Variants in IPMK observed in about 807,000 individuals in gnomAD.
The protein encoded by IPMK is inositol polyphosphate multikinase, also known as inositol 1,3,4,6-tetrakisphosphate 5-kinase.
Under a neutral mutation model 45.8 loss-of-function variants are expected in IPMK, and 17 were observed. That is an observed-to-expected ratio of 0.37 (90% confidence interval 0.25 to 0.56). IPMK has a LOEUF of 0.56. Among genes scored for constraint, IPMK ranks in the 20% least tolerant of loss-of-function variants. IPMK has a pLI of 0.79. For missense variants in IPMK, 399 were observed against 498.0 expected, an observed-to-expected ratio of 0.80 and a Z score of 1.89; for synonymous variants, 180 against 184.3, an observed-to-expected ratio of 0.98 and a Z score of 0.19.
At chr10:58,237,158 G>T in intron 2 of IPMK, among the ~76,000 whole-genome samples, 1 of 152,178 alleles carries the variant, frequency 6.6e-6, no homozygotes, top group Non-Finnish European at 1.5e-5. Context: ...AGGCTGACTT[G>T]AATCAACTGC....
At chr10:58,258,997 G>A (rs1839015688) in intron 1 of IPMK, among the ~76,000 whole-genome samples, 1 of 152,164 alleles carries the variant, frequency 6.6e-6, no homozygotes, top group Non-Finnish European at 1.5e-5. Flanking sequence ...TTCTCACTGA[G>A]GAAGAAGGGA....
intron 4 of IPMK, among the ~76,000 whole-genome samples, chr10:58,206,586 A>G (rs1236667492): frequency 2.6e-5 from 4 of 152,204 alleles, no homozygotes; most frequent in African/African-American, 7.2e-5. Context: ...TATCCTGTCC[A>G]TGTACCCTAA....
chr10:58,207,949 T>C (rs567942329), intron 4 of IPMK, among the ~76,000 whole-genome samples: 1 of 152,234 alleles, frequency 6.6e-6, no homozygotes, highest in East Asian at 1.9e-4. Flanking sequence ...TGTTCATTTT[T>C]CTTTTTTTTT....
rs1365647764 is a variant in IPMK at position 58,195,481 on chromosome 10, T to A, written c.*595A>T. On this transcript the variant is annotated 3_prime_UTR_variant, in exon 6 of 6. Coordinates refer to ENST00000373935, the MANE Select transcript of IPMK (RefSeq NM_152230.5). ...AGTATAATATTTTGAGAGAGAGATG[T>A]AAAAATTAAAGAGAAAACCTGCTTT... The A allele has an allele frequency of 1.3e-5, 2 of 152,130 alleles. No homozygotes were observed. The highest frequency in any genetic ancestry group is 2.9e-5 in the Non-Finnish European group (2 of 67,974). The allele number at this position is 152,130 out of a possible 1,614,324, so 9.4% of individuals were successfully genotyped here.
chr10:58,239,178 G>T (rs1041252485), intron 1 of IPMK, among the ~76,000 whole-genome samples: 6 of 152,082 alleles, frequency 3.9e-5, no homozygotes, highest in African/African-American at 1.4e-4. Context: ...TTTTAAAAAG[G>T]CCTAGATATA....
intron 1 of IPMK, among the ~76,000 whole-genome samples, chr10:58,258,832 A>C (rs1447747176): frequency 1.3e-5 from 2 of 152,196 alleles, no homozygotes; most frequent in Admixed American, 6.5e-5. Context: ...AAATAAATAG[A>C]AAGATAGGAA....
chr10:58,202,442 A>G (rs1374025051), intron 4 of IPMK, among the ~76,000 whole-genome samples: 1 of 152,180 alleles, frequency 6.6e-6, no homozygotes, highest in Admixed American at 6.5e-5. Flanking sequence ...AGGCCAGAGG[A>G]CAACTTGAGG....
chr10:58,252,285 G>C (rs986306039), intron 1 of IPMK, among the ~76,000 whole-genome samples: 1 of 151,990 alleles, frequency 6.6e-6, no homozygotes, highest in Non-Finnish European at 1.5e-5. Context: ...TATCACCCCC[G>C]GTACTTTGAC....
intron 1 of IPMK, among the ~76,000 whole-genome samples, chr10:58,244,796 T>C (rs750519800): frequency 5.9e-5 from 9 of 152,086 alleles, no homozygotes; most frequent in Non-Finnish European, 1.3e-4. Flanking sequence ...GTTAAATGGA[T>C]TAAGGGCGGT....
intron 1 of IPMK, among the ~76,000 whole-genome samples, chr10:58,266,372 A>G (rs1839147315): frequency 6.6e-6 from 1 of 152,240 alleles, no homozygotes; most frequent in Admixed American, 6.5e-5. Context: ...GAGTTGTTTC[A>G]GCAAACACAA....
At chr10:58,235,553 A>G (rs570842850) in intron 2 of IPMK, among the ~76,000 whole-genome samples, 2 of 152,318 alleles carry the variant, frequency 1.3e-5, no homozygotes, top group African/African-American at 4.8e-5. Context: ...ATTCTCAGCA[A>G]ACTATCACAA....
intron 4 of IPMK, among the ~76,000 whole-genome samples, chr10:58,213,295 T>C (rs966301859): frequency 6.6e-6 from 1 of 152,122 alleles, no homozygotes; most frequent in African/African-American, 2.4e-5. Flanking sequence ...GAGTTATGTG[T>C]GTAACTAAAA....
intron 1 of IPMK, among the ~76,000 whole-genome samples, chr10:58,259,890 C>G (rs981015629): frequency 6.6e-6 from 1 of 151,994 alleles, no homozygotes; most frequent in African/African-American, 2.4e-5. Flanking sequence ...TAGAATATTA[C>G]TATTTTGCAA....
intron 4 of IPMK, among the ~76,000 whole-genome samples, chr10:58,208,054 C>T (rs1417198040): frequency 6.6e-6 from 1 of 152,158 alleles, no homozygotes; most frequent in Non-Finnish European, 1.5e-5. Flanking sequence ...CATTCTCCTG[C>T]CTCAGCCTCC....
Position 58,267,407 on chromosome 10 carries a change from G to A in IPMK, c.190+15C>T, listed in dbSNP as rs779189795. The stretch of plus-strand genomic sequence containing the variant: ...GCGGAAGGGGAGCGGCGAGACCTAT[G>A]CCACCCCCACTTACCCACTTTGTCC... On this transcript the variant is annotated intron_variant, in intron 1 of 5. Coordinates refer to ENST00000373935, the MANE Select transcript of IPMK (RefSeq NM_152230.5). The A allele has an allele frequency of 2.5e-6, 4 of 1,612,726 alleles. No individual in the cohort carries two copies. The highest frequency in any genetic ancestry group is 3.4e-6 in the Non-Finnish European group (4 of 1,179,008).
intron 3 of IPMK, among the ~76,000 whole-genome samples, chr10:58,220,109 T>C (rs1838309538): frequency 6.6e-6 from 1 of 152,142 alleles, no homozygotes; most frequent in South Asian, 2.1e-4. Flanking sequence ...GTCTTGCCAA[T>C]TTGGAAATGG....
At chr10:58,205,643 G>A (rs1162017032) in intron 4 of IPMK, among the ~76,000 whole-genome samples, 2 of 152,148 alleles carry the variant, frequency 1.3e-5, no homozygotes, top group Admixed American at 6.5e-5. Flanking sequence ...AAGGCATACA[G>A]AGTAATACAA....
rs771887109 is a variant in IPMK at position 58,267,578 on chromosome 10, C to T, written c.34G>A (p.Glu12Lys). 12 of 1,606,702 alleles carry T rather than the reference C, an allele frequency of 7.5e-6. No homozygotes were observed. In the East Asian group the frequency reaches 1.8e-4, roughly 24 times the overall value. The change falls in exon 1 of 6, where the codon GAG (glutamate) becomes AAG (lysine). Residue 12 changes from glutamate (E) to lysine (K), a missense_variant. By Grantham distance (56) the Glu-to-Lys change is moderately conservative. This residue lies in a region of IPMK where 111 missense variants were observed against 99.9 expected (regional missense o/e 1.11). Transcript: ENST00000373935. ...ATEPPSPLRVEAPGPPEMRTS... is the reference protein window; with the variant it reads ...ATEPPSPLRVKAPGPPEMRTS... ...CGCATTTCTGGGGGGCCCGGCGCCT[C>T]GACCCGGAGGGGGGATGGTGGCTCT... is the stretch of plus-strand genomic sequence containing the variant.
In IPMK at chr10:58,216,206, T is replaced by C. The variant is rs769140913; in HGVS notation, c.485A>G (p.Gln162Arg). The C allele has an allele frequency of 6.2e-7, 1 of 1,612,480 alleles. No homozygotes were observed. Among genetic ancestry groups the C allele is most frequent in the Admixed American group, 1.7e-5 (1 of 59,776 alleles). ...YDPFASSEKI[Q>R]QQVSKYPLME... Reference sequence around the variant, plus strand: ...TAATGGGTACTTGCTGACCTGTTGCTGAATCTTCTCAGATGAGGCAAAAGG... The same window carrying C: ...TAATGGGTACTTGCTGACCTGTTGCCGAATCTTCTCAGATGAGGCAAAAGG... The change falls in exon 4 of 6, where the codon CAG becomes CGG. Residue 162 changes from glutamine to arginine, a missense_variant. By Grantham distance (43) the Gln-to-Arg change is conservative. Around this residue, in one of 2 missense-constraint regions of IPMK, gnomAD observed 288 missense variants for 398.0 expected, o/e 0.72. Coordinates refer to ENST00000373935, the MANE Select transcript of IPMK (RefSeq NM_152230.5).
Sources: gnomAD v4.1 joint callset for allele counts (sites outside exome capture counted in the v4.1 genomes callset) on GRCh38, gnomAD v4.1.1 for gene constraint, gnomAD v4.1.1 regional missense constraint, MANE v1.5 for transcripts, NCBI Gene and HGNC (gene_info 2026-07-23, HGNC 2026-07-21) for gene names.